MYZAP: variants seen among roughly 807,000 people sequenced by gnomAD.
The protein encoded by MYZAP is myocardial zonula adherens protein, also known as GRINL1A complex locus upstream.
A neutral mutation model predicts 69.4 loss-of-function variants in MYZAP; 66 were observed. The observed-to-expected ratio is 0.95, with a 90% CI of 0.78 to 1.17. The LOEUF is 1.17. MYZAP is among the 50% of genes most tolerant of loss of function. The pLI is 0.00. For synonymous variants in MYZAP, 256 were observed against 205.9 expected, an observed-to-expected ratio of 1.24 and a Z score of -2.09; for missense variants, 611 against 556.2, an observed-to-expected ratio of 1.10 and a Z score of -0.99.
chr15:57,673,055 T>C (rs2038942753), intron 11 of MYZAP, among the ~76,000 whole-genome samples: 1 of 152,214 alleles, frequency 6.6e-6, no homozygotes. Context: ...ATATAGTAGA[T>C]ATACAATAAT....
At chr15:57,682,326 C>T (rs1365988699) in intron 12 of MYZAP, among the ~76,000 whole-genome samples, 6 of 151,990 alleles carry the variant, frequency 3.9e-5, no homozygotes, top group Non-Finnish European at 8.8e-5. Context: ...GTCACATGGC[C>T]CACCTAATGG....
At chr15:57,603,567 A>G (rs1422779872) in intron 1 of MYZAP, among the ~76,000 whole-genome samples, 2 of 152,178 alleles carry the variant, frequency 1.3e-5, no homozygotes, top group Non-Finnish European at 2.9e-5. Context: ...TACCTCATCT[A>G]AGTAGAATCA....
chr15:57,652,396 T>A (rs1045403198), intron 10 of MYZAP, among the ~76,000 whole-genome samples: 8 of 152,230 alleles, frequency 5.3e-5, no homozygotes, highest in African/African-American at 1.9e-4. Flanking sequence ...AAAAATAGGC[T>A]GAGCTTTTTT....
chr15:57,648,192 C>T, intron 10 of MYZAP: 1 of 985,192 alleles, frequency 1.0e-6, no homozygotes, highest in African/African-American at 1.7e-5. Flanking sequence ...TTGTGGCAGC[C>T]TTTTTTCTGT....
At chr15:57,673,647 T>C (rs773842422) in intron 11 of MYZAP, among the ~76,000 whole-genome samples, 54 of 152,318 alleles carry the variant, frequency 3.5e-4, no homozygotes, top group Admixed American at 5.9e-4. Context: ...ACACCATTTC[T>C]TATTTATCAG....
intron 12 of MYZAP, among the ~76,000 whole-genome samples, chr15:57,676,320 G>A (rs572434665): frequency 6.6e-6 from 1 of 151,064 alleles, no homozygotes; most frequent in Non-Finnish European, 1.5e-5. Context: ...TTCTTTGACA[G>A]TGTCCTCAAT....
chr15:57,625,673 G>C, intron 4 of MYZAP, 106 bp from the exon 5 acceptor site: 1 of 952,922 alleles, frequency 1.0e-6, no homozygotes, highest in South Asian at 1.4e-5. Flanking sequence ...TTTAGATATT[G>C]TTGAAGTAGA....
At chr15:57,616,290 A>G (rs1191213966) in intron 2 of MYZAP, among the ~76,000 whole-genome samples, 1 of 152,204 alleles carries the variant, frequency 6.6e-6, no homozygotes. Context: ...CAAAGCAGGC[A>G]GATCACTTGA....
At chr15:57,648,983 A>G (rs1214936476) in intron 10 of MYZAP, among the ~76,000 whole-genome samples, 2 of 151,482 alleles carry the variant, frequency 1.3e-5, no homozygotes, top group Admixed American at 6.6e-5. Context: ...TTTGTGTTTT[A>G]AATTTTACGT....
intron 5 of MYZAP, among the ~76,000 whole-genome samples, chr15:57,627,368 A>T (rs906506914): frequency 2.1e-5 from 2 of 95,236 alleles, no homozygotes; most frequent in Admixed American, 1.4e-4. Flanking sequence ...AGAGACAAAG[A>T]GAGAGGGAGA....
intron 9 of MYZAP, among the ~76,000 whole-genome samples, chr15:57,638,577 C>T (rs1863401): frequency 0.16 from 24,791 of 152,154 alleles, 2,153 homozygotes; most frequent in East Asian, 0.28. Context: ...AGATGGGGCA[C>T]GGGAACTAGA....
At chr15:57,665,420 C>G (rs1401882938) in intron 11 of MYZAP, among the ~76,000 whole-genome samples, 1 of 152,208 alleles carries the variant, frequency 6.6e-6, no homozygotes, top group Non-Finnish European at 1.5e-5. Context: ...TGTCATTACT[C>G]CTATTATGTA....
In MYZAP at chr15:57,633,779, A is replaced by G. The variant is rs200890662; in HGVS notation, c.933+38A>G. On this transcript the variant is annotated intron_variant, in intron 8 of 12. Coordinates refer to ENST00000267853, the MANE Select transcript of MYZAP (RefSeq NM_001018100.5). Reference sequence around the variant, plus strand: ...GTTGGGCCTATTGCCCACTTGCCCAAACTTTTCCCTGTAGGTCCATCTGAG... The same window carrying G: ...GTTGGGCCTATTGCCCACTTGCCCAGACTTTTCCCTGTAGGTCCATCTGAG... The G allele has an allele frequency of 1.2e-4, 174 of 1,479,430 alleles. No homozygotes were observed. The East Asian group carries it at 2.3e-3, about 19-fold the overall frequency. The allele number at this position is 1,479,430 out of a possible 1,614,324, so 91.6% of individuals were successfully genotyped here.
At chr15:57,627,211 T>G (rs541601807) in intron 5 of MYZAP, among the ~76,000 whole-genome samples, 1 of 152,260 alleles carries the variant, frequency 6.6e-6, no homozygotes, top group East Asian at 1.9e-4. Context: ...TGGCCAACAC[T>G]CTGGCATTTA....
intron 1 of MYZAP, among the ~76,000 whole-genome samples, chr15:57,601,480 G>A (rs2034411856): frequency 6.6e-6 from 1 of 152,126 alleles, no homozygotes; most frequent in African/African-American, 2.4e-5. Flanking sequence ...TGGAGCCAGA[G>A]AGTTGCCTTT....
At position 57,604,291 on chromosome 15, in the gene MYZAP, T is replaced by C. The variant is rs1265584052; in HGVS notation, c.98T>C (p.Leu33Pro). The C allele has an allele frequency of 2.5e-6, 4 of 1,614,234 alleles. No homozygotes were observed. The highest frequency in any genetic ancestry group is 1.7e-5 in the Admixed American group (1 of 60,034). The change falls in exon 2 of 13, where the codon CTG becomes CCG. Residue 33 changes from leucine (L) to proline (P), a missense_variant. Coordinates refer to ENST00000267853, the MANE Select transcript of MYZAP (RefSeq NM_001018100.5). ...SRRANVCRLR[L>P]TVPPESPVPE... is the part of the protein sequence containing the mutation. Reference sequence around the variant, plus strand: ...TAGGCAAATGTTTGCAGACTACGGCTGACCGTACCTCCTGAGAGTCCAGTT... The same window carrying C: ...TAGGCAAATGTTTGCAGACTACGGCCGACCGTACCTCCTGAGAGTCCAGTT...
intron 10 of MYZAP, among the ~76,000 whole-genome samples, chr15:57,642,033 T>A (rs1377286371): frequency 1.3e-5 from 2 of 152,218 alleles, no homozygotes; most frequent in African/African-American, 4.8e-5. Context: ...GGTGACACTT[T>A]CAAAGAGGCA....
At chr15:57,639,296 C>G (rs1290038236) in intron 9 of MYZAP, 144 bp from the exon 10 acceptor site, 4 of 825,800 alleles carry the variant, frequency 4.8e-6, no homozygotes, top group Admixed American at 2.5e-5. Context: ...GTCCTCCTGC[C>G]TTGGCCTCTT....
intron 10 of MYZAP, chr15:57,646,383 T>C: frequency 8.6e-7 from 1 of 1,159,754 alleles, no homozygotes; most frequent in Non-Finnish European, 1.1e-6. Context: ...CCACATACTG[T>C]CACCCTGACT....
Sources: allele counts gnomAD v4.1 joint callset (sites outside exome capture counted in the v4.1 genomes callset), GRCh38; gene constraint gnomAD v4.1.1; transcripts MANE v1.5; gene names NCBI Gene and HGNC (gene_info 2026-07-23, HGNC 2026-07-21).